Variants in FN1 observed in about 807,000 individuals in gnomAD.
FN1 encodes the protein fibronectin 1, also known as fibronectin.
A neutral mutation model predicts 297.3 loss-of-function variants in FN1; 106 were observed. The observed-to-expected ratio is 0.36, with a 90% CI of 0.30 to 0.42. The LOEUF (loss-of-function observed/expected upper bound fraction) is 0.42. Among genes scored for constraint, FN1 ranks in the 10% least tolerant of loss-of-function variants. FN1 has a pLI of 1.00. For synonymous variants in FN1, 1,149 were observed against 1,152.6 expected (o/e 1.00, Z 0.06); for missense variants, 2,690 against 3,124.9 (o/e 0.86, Z 3.32).
rs1310674557 is a variant in FN1 at position 215,424,262 on chromosome 2, T to C, written c.1100A>G (p.Asn367Ser). The C allele has an allele frequency of 1.2e-6, 2 of 1,614,060 alleles. No homozygotes were observed. The highest frequency in any genetic ancestry group is 2.2e-5 in the South Asian group (2 of 91,072). The part of the protein sequence containing the change: ...GEPCVLPFTY[N>S]GRTFYSCTTE... ...GGTGCAGGAGTAGAACGTCCTGCCATTGTAGGTGAATGGTAAGACACATGG... is the reference window on the plus strand; with the variant it reads ...GGTGCAGGAGTAGAACGTCCTGCCACTGTAGGTGAATGGTAAGACACATGG... Residue 367 changes from asparagine to serine, a missense_variant, in exon 8 of 46, where the codon AAT (asparagine) becomes AGT (serine). Asn to Ser is a conservative substitution (Grantham distance 46). Coordinates refer to ENST00000354785, the MANE Select transcript of FN1 (RefSeq NM_212482.4).
At chr2:215,365,874 C>A in intron 42 of FN1, 2 of 197,420 alleles carry the variant, frequency 1.0e-5, no homozygotes, top group Admixed American at 6.0e-5. Flanking sequence ...GGTGCAATCT[C>A]GGCTCACTGT....
intron 15 of FN1, among the ~76,000 whole-genome samples, chr2:215,409,358 A>T (rs2062237057): frequency 6.6e-6 from 1 of 152,126 alleles, no homozygotes; most frequent in South Asian, 2.1e-4. Context: ...GACCAGGAAC[A>T]TGTGACAGTG....
chr2:215,369,367 C>G (rs945084232), intron 41 of FN1, among the ~76,000 whole-genome samples: 1 of 152,156 alleles, frequency 6.6e-6, no homozygotes, highest in African/African-American at 2.4e-5. Flanking sequence ...ATAATCTCCT[C>G]CCAACCTCTC....
rs79386282 is a variant in FN1, at chr2:215,378,862, T to C, written c.5622+268A>G. Among the ~76,000 whole-genome samples, 4,291 of 152,182 alleles carry C rather than the reference T, an allele frequency of 0.028. 190 individuals are homozygous for C. Among genetic ancestry groups the C allele is most frequent in the African/African-American group, 0.097 (4,038 of 41,520 alleles). On this transcript the variant is annotated intron_variant, in intron 34 of 45. Coordinates refer to ENST00000354785, the MANE Select transcript of FN1 (RefSeq NM_212482.4). ...TGCATTCAACCAATGGATATGTAAA[T>C]TGCCCCCCACAACCTTTTAAAATAA... is the stretch of plus-strand genomic sequence containing the variant.
intron 33 of FN1, chr2:215,379,717 A>C: frequency 4.1e-6 from 1 of 246,242 alleles, no homozygotes; most frequent in Non-Finnish European, 8.0e-6. Context: ...TAATTTAGAA[A>C]CGGTCTCTCT....
chr2:215,391,194 AC>A (rs111960828), intron 26 of FN1, among the ~76,000 whole-genome samples: 7,615 of 152,310 alleles, frequency 0.05, 289 homozygotes, highest in Middle Eastern at 0.2. Context: ...ACAATCAGTC[AC>A]TTTTCTAAGT....
In FN1 at chr2:215,388,312, A is replaced by G; in HGVS notation, c.4253-11T>C. The G allele has an allele frequency of 6.3e-7, 1 of 1,597,440 alleles. No homozygotes were observed. The highest frequency in any genetic ancestry group is 8.6e-7 in the Non-Finnish European group (1 of 1,165,018). Reference sequence around the variant, plus strand: ...TACCAGGCAGGAGATCTGTAGGGGCAAATGGGGCTTATTTTAAAACTCTGC... The same window carrying G: ...TACCAGGCAGGAGATCTGTAGGGGCGAATGGGGCTTATTTTAAAACTCTGC... On this transcript the variant is annotated splice_polypyrimidine_tract_variant and intron_variant, in intron 26 of 45. Transcript: ENST00000354785.
At chr2:215,426,256 C>A (rs1228613385) in intron 6 of FN1, among the ~76,000 whole-genome samples, 2 of 146,284 alleles carry the variant, frequency 1.4e-5, no homozygotes, top group East Asian at 4.0e-4. Flanking sequence ...TCACGCCATT[C>A]TCCTGCCTCA....
intron 23 of FN1, among the ~76,000 whole-genome samples, chr2:215,396,908 C>T (rs2106141220): frequency 6.6e-6 from 1 of 152,268 alleles, no homozygotes; most frequent in Admixed American, 6.5e-5. Flanking sequence ...TCTGTCTTGT[C>T]CCCCTAGACT....
intron 17 of FN1, 75 bp from the exon 18 acceptor site, chr2:215,407,396 C>T (rs2061907482): frequency 8.2e-7 from 1 of 1,214,966 alleles, no homozygotes; most frequent in Non-Finnish European, 1.2e-6. Flanking sequence ...TAAATCCTCC[C>T]TTTTCTAATA....
intron 8 of FN1, among the ~76,000 whole-genome samples, chr2:215,423,833 C>T (rs958265250): frequency 1.3e-5 from 2 of 152,024 alleles, no homozygotes; most frequent in South Asian, 2.1e-4. Flanking sequence ...AAACATTCAT[C>T]CTTTGTATTC....
chr2:215,380,864 A>C lies in FN1; in HGVS notation c.5381T>G (p.Val1794Gly). The part of the protein sequence containing the change: ...RPGSEYTVSV[V>G]ALHDDMESQP... ...GCTCTCCATATCATCGTGCAAGGCAACCACACTGACTGTGTACTCAGAACC... is the reference window on the plus strand; with the variant it reads ...GCTCTCCATATCATCGTGCAAGGCACCCACACTGACTGTGTACTCAGAACC... Residue 1794 changes from valine to glycine, a missense_variant, in exon 33 of 46, where the codon GTT becomes GGT. By Grantham distance (109) the Val-to-Gly change is moderately radical. Coordinates refer to ENST00000354785, the MANE Select transcript of FN1 (RefSeq NM_212482.4). The C allele has an allele frequency of 6.2e-7, 1 of 1,614,070 alleles. No individual in the cohort carries two copies. Among genetic ancestry groups the C allele is most frequent in the African/African-American group, 1.3e-5 (1 of 75,056 alleles).
chr2:215,362,409 A>G, intron 44 of FN1: 1 of 326,474 alleles, frequency 3.1e-6, no homozygotes, highest in Non-Finnish European at 5.9e-6. Flanking sequence ...ATGATAGAAA[A>G]GGTTTTCAAA....
chr2:215,408,901 C>T (rs960883175), intron 15 of FN1, among the ~76,000 whole-genome samples: 2 of 152,134 alleles, frequency 1.3e-5, no homozygotes, highest in Non-Finnish European at 1.5e-5. Context: ...TATGGGAAAA[C>T]ACCACTTCTT....
At chr2:215,368,079 G>T in intron 41 of FN1, 52 bp from the exon 42 acceptor site, 1 of 1,578,966 alleles carries the variant, frequency 6.3e-7, no homozygotes, top group Non-Finnish European at 8.7e-7. Flanking sequence ...TAATCGATTT[G>T]GACCATAAGA....
chr2:215,372,002 G>A lies in FN1; in HGVS notation c.6621C>T (p.Leu2207=). ...GGGCCCATGAGATGGTTGTCTGAGA[G>A]AGAGCTTCTTGTCCTGTAGAGGCAT... is the stretch of plus-strand genomic sequence containing the variant. ...NPNASTGQEA[L]SQTTISWAPF... is the part of the protein sequence containing the mutation. Residue 2207 remains leucine (L), a synonymous_variant, in exon 40 of 46, where the codon CTC becomes CTT. Coordinates refer to ENST00000354785, the MANE Select transcript of FN1 (RefSeq NM_212482.4). 1 of 1,614,210 alleles carries A rather than the reference G, an allele frequency of 6.2e-7. No homozygotes were observed. The highest frequency in any genetic ancestry group is 1.3e-5 in the African/African-American group (1 of 75,044).
At chr2:215,406,982 C>T (rs1199115968) in intron 18 of FN1, 145 bp downstream of exon 18, 2 of 709,628 alleles carry the variant, frequency 2.8e-6, no homozygotes, top group African/African-American at 1.8e-5. Flanking sequence ...TTACTTATGA[C>T]ATTTCAGCTA....
At chr2:215,434,658 A>T in intron 2 of FN1, 38 bp downstream of exon 2, 1 of 1,613,082 alleles carries the variant, frequency 6.2e-7, no homozygotes, top group African/African-American at 1.3e-5. Flanking sequence ...CACTTCATGT[A>T]TTAAAAGATA....
chr2:215,381,786 CT>C, intron 32 of FN1: 1 of 293,156 alleles, frequency 3.4e-6, no homozygotes, highest in Non-Finnish European at 6.6e-6. Flanking sequence ...TTACACTCTT[CT>C]TTTCCCCTCT....
Sources: gnomAD v4.1 joint callset for allele counts (sites outside exome capture counted in the v4.1 genomes callset) on GRCh38, gnomAD v4.1.1 for gene constraint, MANE v1.5 for transcripts, NCBI Gene and HGNC (gene_info 2026-07-23, HGNC 2026-07-21) for gene names.